CSMD1: variants seen among roughly 807,000 people sequenced by gnomAD.
CSMD1 encodes CUB and Sushi multiple domains 1.
CSMD1 carries 213 observed loss-of-function variants against 417.5 expected under a neutral mutation model. The observed-to-expected ratio is 0.51, with a 90% confidence interval of 0.46 to 0.57. CSMD1 has a LOEUF of 0.57. Ranked by LOEUF, CSMD1 falls within the 20% of genes least tolerant of loss-of-function variation. The pLI, the probability that CSMD1 is intolerant of heterozygous loss-of-function variation, is 0.00. For synonymous variants in CSMD1, 2,862 were observed against 1,736.8 expected, an observed-to-expected ratio of 1.65 and a Z score of -16.11; for missense variants, 6,923 against 4,529.7, an observed-to-expected ratio of 1.53 and a Z score of -15.17.
intron 12 of CSMD1, among the ~76,000 whole-genome samples, chr8:3,449,958 A>G (rs1815580081): frequency 6.6e-6 from 1 of 152,252 alleles, no homozygotes; most frequent in African/African-American, 2.4e-5. Flanking sequence ...ACAGCTTGCC[A>G]TAATCAAGCG....
At chr8:3,457,425 G>A (rs1465037513) in intron 12 of CSMD1, among the ~76,000 whole-genome samples, 1 of 152,164 alleles carries the variant, frequency 6.6e-6, no homozygotes, top group African/African-American at 2.4e-5. Context: ...CCTTTCCCAA[G>A]AGAAAAGCAG....
At position 3,853,363 on chromosome 8, in the gene CSMD1, G is replaced by T. The variant is rs186398416; in HGVS notation, c.819-99321C>A. Among the ~76,000 whole-genome samples, 591 of 152,150 alleles carry T rather than the reference G, an allele frequency of 3.9e-3. 3 individuals carry two copies. Among genetic ancestry groups the T allele is most frequent in the African/African-American group, 0.014 (563 of 41,508 alleles). Reference sequence around the variant, plus strand: ...ATGCTCCACAATTTACTTTAAAAAGGTATTGTTATGTAATGTAATGCATTG... The same window carrying T: ...ATGCTCCACAATTTACTTTAAAAAGTTATTGTTATGTAATGTAATGCATTG... On this transcript the variant is annotated intron_variant, in intron 5 of 69. Coordinates refer to ENST00000635120, the MANE Select transcript of CSMD1 (RefSeq NM_033225.6).
rs192944451 is a variant in CSMD1 at position 4,016,684 on chromosome 8, C to G, written c.610+15221G>C. 3.2e-3 allele frequency among the ~76,000 whole-genome samples: 487 copies of G among 152,320 alleles called. 1 individual carries two copies. The highest frequency in any genetic ancestry group is 4.5e-3 in the Admixed American group (69 of 15,310). On this transcript the variant is annotated intron_variant, in intron 4 of 69. Transcript: ENST00000635120. Reference sequence around the variant, plus strand: ...TTACTCTGTAAAGCAAGAGCTTCAGCAAAATAGATTTAGCCTTTAAGTAAC... The same window carrying G: ...TTACTCTGTAAAGCAAGAGCTTCAGGAAAATAGATTTAGCCTTTAAGTAAC...
At chr8:4,764,612 G>C (rs1812321043) in intron 1 of CSMD1, among the ~76,000 whole-genome samples, 1 of 151,468 alleles carries the variant, frequency 6.6e-6, no homozygotes, top group Non-Finnish European at 1.5e-5. Context: ...AGAGTGGAAA[G>C]ATTTTTGTCT....
chr8:4,714,345 CA>C (rs1300350468), intron 1 of CSMD1, among the ~76,000 whole-genome samples: 3 of 151,874 alleles, frequency 2.0e-5, no homozygotes, highest in Non-Finnish European at 4.4e-5. Context: ...AGTTTGGGGT[CA>C]GGGGGTCAAG....
intron 3 of CSMD1, among the ~76,000 whole-genome samples, chr8:4,151,654 A>C (rs1369699298): frequency 6.6e-6 from 1 of 152,160 alleles, no homozygotes; most frequent in Non-Finnish European, 1.5e-5. Flanking sequence ...TGGCATCATT[A>C]TTATTATGTC....
intron 7 of CSMD1, among the ~76,000 whole-genome samples, chr8:3,624,111 G>C (rs140483874): frequency 6.6e-6 from 1 of 152,172 alleles, no homozygotes; most frequent in Non-Finnish European, 1.5e-5. Flanking sequence ...TTTCTTAAAA[G>C]TTGCCTTCCT....
chr8:4,194,501 G>A (rs552952487), intron 3 of CSMD1, among the ~76,000 whole-genome samples: 2 of 152,154 alleles, frequency 1.3e-5, no homozygotes, highest in African/African-American at 4.8e-5. Context: ...TGATTATCAT[G>A]TAAATAATGC....
intron 1 of CSMD1, among the ~76,000 whole-genome samples, chr8:4,868,432 T>A (rs1802543017): frequency 6.6e-6 from 1 of 151,944 alleles, no homozygotes; most frequent in African/African-American, 2.4e-5. Flanking sequence ...ACCGGGGTTT[T>A]GCCACATTGA....
At chr8:4,187,324 A>C (rs1477627998) in intron 3 of CSMD1, among the ~76,000 whole-genome samples, 1 of 152,138 alleles carries the variant, frequency 6.6e-6, no homozygotes, top group Non-Finnish European at 1.5e-5. Flanking sequence ...ACTAGGATGC[A>C]ATGGTTTTAA....
chr8:4,362,699 G>GTCC, intron 3 of CSMD1, among the ~76,000 whole-genome samples: 1 of 152,306 alleles, frequency 6.6e-6, no homozygotes, highest in Middle Eastern at 3.4e-3. Context: ...TGACTGATAA[G>GTCC]ATTTGTAAGA....
chr8:3,890,860 T>C (rs938619218), intron 5 of CSMD1, among the ~76,000 whole-genome samples: 5 of 152,126 alleles, frequency 3.3e-5, no homozygotes, highest in Non-Finnish European at 4.4e-5. Context: ...GTATATACAA[T>C]GAGAGGATGA....
At chr8:4,941,354 A>T (rs1193688670) in intron 1 of CSMD1, among the ~76,000 whole-genome samples, 1 of 152,196 alleles carries the variant, frequency 6.6e-6, no homozygotes, top group African/African-American at 2.4e-5. Context: ...GAGTACTAAA[A>T]TATGATATTC....
At chr8:3,311,059 G>A (rs1355017719) in intron 23 of CSMD1, among the ~76,000 whole-genome samples, 5 of 151,562 alleles carry the variant, frequency 3.3e-5, no homozygotes, top group Non-Finnish European at 7.4e-5. Flanking sequence ...ATTAAGAGTG[G>A]GAAATACCTT....
In CSMD1 at chr8:4,315,034, T is replaced by C. The variant is rs930190982; in HGVS notation, c.415+104919A>G. 7.9e-5 allele frequency among the ~76,000 whole-genome samples: 12 copies of C among 152,258 alleles called. No homozygotes were observed. In the East Asian group the frequency reaches 2.1e-3, roughly 27 times the overall value. ...CTGAGAAAAGAGGTCCCTCTTCTAA[T>C]CATGACTGCGTTGGCTTCCCACTGC... On this transcript the variant is annotated intron_variant, in intron 3 of 69. Transcript: ENST00000635120.
chr8:3,832,498 C>T (rs1254940997), intron 5 of CSMD1, among the ~76,000 whole-genome samples: 1 of 152,078 alleles, frequency 6.6e-6, no homozygotes, highest in Non-Finnish European at 1.5e-5. Flanking sequence ...CCACATTTAT[C>T]TGTTGCATAG....
chr8:4,537,292 T>C (rs1797146501), intron 2 of CSMD1, among the ~76,000 whole-genome samples: 2 of 152,202 alleles, frequency 1.3e-5, no homozygotes, highest in Non-Finnish European at 2.9e-5. Flanking sequence ...GTAAAATGCT[T>C]ATCTTTTTAT....
chr8:3,171,713 T>C (rs908118157), intron 37 of CSMD1, among the ~76,000 whole-genome samples: 4 of 152,190 alleles, frequency 2.6e-5, no homozygotes, highest in Non-Finnish European at 5.9e-5. Context: ...TTTAAAAAAA[T>C]AGAATAATCA....
intron 1 of CSMD1, among the ~76,000 whole-genome samples, chr8:4,788,739 A>G (rs1185308613): frequency 1.3e-5 from 2 of 152,180 alleles, no homozygotes; most frequent in Non-Finnish European, 2.9e-5. Flanking sequence ...ATACTAATAA[A>G]CATGAAAACC....
Sources: allele counts gnomAD v4.1 joint callset (sites outside exome capture counted in the v4.1 genomes callset), GRCh38; gene constraint gnomAD v4.1.1; transcripts MANE v1.5; gene names NCBI Gene and HGNC (gene_info 2026-07-23, HGNC 2026-07-21).